TMEM135: variants seen among roughly 807,000 people sequenced by gnomAD.
TMEM135 encodes transmembrane protein 135.
Under a neutral mutation model 60.3 loss-of-function variants are expected in TMEM135, and 30 were observed. The ratio of observed to expected loss-of-function variants is 0.50; its 90% CI spans 0.37 to 0.68. TMEM135 has a LOEUF of 0.68. Among genes scored for constraint, TMEM135 ranks in the 30% least tolerant of loss-of-function variants. TMEM135 has a pLI of 0.00. For missense variants in TMEM135, 468 were observed against 548.8 expected (o/e 0.85, Z 1.47); for synonymous variants, 190 against 186.7 (o/e 1.02, Z -0.14).
chr11:87,271,614 A>G (rs994899176), intron 6 of TMEM135, among the ~76,000 whole-genome samples: 4 of 152,106 alleles, frequency 2.6e-5, no homozygotes, highest in African/African-American at 9.7e-5. Flanking sequence ...AATATCTTGG[A>G]TATATTGGGT....
intron 3 of TMEM135, among the ~76,000 whole-genome samples, chr11:87,078,462 A>G (rs890384942): frequency 6.6e-6 from 1 of 152,174 alleles, no homozygotes; most frequent in African/African-American, 2.4e-5. Flanking sequence ...TTCTTTAGAT[A>G]TTCTAGATAT....
chr11:87,257,056 A>G (rs1941540883), intron 6 of TMEM135, among the ~76,000 whole-genome samples: 1 of 152,200 alleles, frequency 6.6e-6, no homozygotes, highest in Non-Finnish European at 1.5e-5. Flanking sequence ...ACTAATCTTC[A>G]GTTCTTCACT....
At chr11:87,286,346 A>G (rs1316865145) in intron 6 of TMEM135, among the ~76,000 whole-genome samples, 1 of 151,904 alleles carries the variant, frequency 6.6e-6, no homozygotes, top group Non-Finnish European at 1.5e-5. Flanking sequence ...TGATTGGTGC[A>G]TCCATGAACC....
At chr11:87,214,528 A>T (rs990112963) in intron 5 of TMEM135, among the ~76,000 whole-genome samples, 1 of 152,092 alleles carries the variant, frequency 6.6e-6, no homozygotes, top group Admixed American at 6.5e-5. Flanking sequence ...TCCTTTAAGG[A>T]AAACACCTTA....
intron 7 of TMEM135, among the ~76,000 whole-genome samples, chr11:87,298,804 A>AAAAAAC (rs1942394480): frequency 7.3e-6 from 1 of 137,922 alleles, no homozygotes; most frequent in Non-Finnish European, 1.6e-5. Flanking sequence ...AAAAAAAAAA[A>AAAAAAC]CAGCCGGGCA....
intron 5 of TMEM135, among the ~76,000 whole-genome samples, chr11:87,212,949 A>G (rs966590169): frequency 1.3e-5 from 2 of 152,168 alleles, no homozygotes; most frequent in Non-Finnish European, 2.9e-5. Flanking sequence ...AATTACTAAT[A>G]GAAATGATTG....
rs112613071 is a variant in TMEM135, at chr11:87,102,684, A to ATG, written c.396+11297_396+11298dup. ...TGCAATGTGATGTTTTGATATATAT[A>ATG]TGTGTGTGTATATATATATGTATAT... On this transcript the variant is annotated intron_variant, in intron 4 of 14. Coordinates refer to ENST00000305494, the MANE Select transcript of TMEM135 (RefSeq NM_022918.4). 2.1e-5 allele frequency among the ~76,000 whole-genome samples: 3 copies of ATG among 140,540 alleles called. No homozygotes were observed. In the South Asian group the frequency reaches 6.6e-4, roughly 31 times the overall value. The allele number at this position is 140,540 out of a possible 152,430, so 92.2% of individuals were successfully genotyped here. A position where few individuals can be genotyped will look rare whatever the true frequency, so the allele number is the denominator to read the frequency against.
rs1463726678 is a variant in TMEM135 at position 87,238,446 on chromosome 11, A to G, written c.509+1762A>G. Among the ~76,000 whole-genome samples the G allele has an allele frequency of 2.0e-5, 3 of 152,124 alleles. No individual in the cohort carries two copies. In the East Asian group the frequency reaches 5.8e-4, roughly 29 times the overall value. ...GTAGGGAGGACTTGAACTGCAAAAG[A>G]TTTTGTATCAGTCATTGGGATGCAT... On this transcript the variant is annotated intron_variant, in intron 6 of 14. Coordinates refer to ENST00000305494, the MANE Select transcript of TMEM135 (RefSeq NM_022918.4).
At position 87,305,967 on chromosome 11, in the gene TMEM135, A is replaced by G. The variant is rs1942535990; in HGVS notation, c.730A>G (p.Lys244Glu). 3 of 1,603,552 alleles carry G rather than the reference A, an allele frequency of 1.9e-6. No homozygotes were observed. Among genetic ancestry groups the G allele is most frequent in the East Asian group, 2.3e-5 (1 of 44,440 alleles). ...ACATGGACCAAGGCATAGATGTTGC[A>G]AACATTATGAAGATAATTGCATCTC... ...CKHGPRHRCC[K>E]HYEDNCISYC... The change falls in exon 9 of 15, where the codon AAA becomes GAA. Residue 244 changes from lysine (K) to glutamate (E), a missense_variant. By Grantham distance (56) the Lys-to-Glu change is moderately conservative. Transcript: ENST00000305494.
intron 5 of TMEM135, among the ~76,000 whole-genome samples, chr11:87,158,804 G>A (rs973475341): frequency 3.9e-5 from 6 of 152,150 alleles, no homozygotes; most frequent in African/African-American, 1.4e-4. Flanking sequence ...TGTCTATACA[G>A]AAAGACTTAA....
At chr11:87,174,173 C>A (rs1330769151) in intron 5 of TMEM135, among the ~76,000 whole-genome samples, 1 of 152,114 alleles carries the variant, frequency 6.6e-6, no homozygotes, top group Non-Finnish European at 1.5e-5. Context: ...TCTAGAAATG[C>A]AGACTAAGGC....
At chr11:87,141,386 T>G (rs1418481415) in intron 4 of TMEM135, among the ~76,000 whole-genome samples, 1 of 152,118 alleles carries the variant, frequency 6.6e-6, no homozygotes, top group African/African-American at 2.4e-5. Context: ...TTCTAGTTGG[T>G]TTTTGGTAGG....
Position 87,069,039 on chromosome 11 carries a change from C to A in TMEM135, c.269+1218C>A, listed in dbSNP as rs377126258. On this transcript the variant is annotated intron_variant, in intron 2 of 14. Transcript: ENST00000305494. ...TCTATGACGGCCGGGCGCGGTGGCTCACGCCTGTAATCCTAGCACTTTGGA... is the reference window on the plus strand; with the variant it reads ...TCTATGACGGCCGGGCGCGGTGGCTAACGCCTGTAATCCTAGCACTTTGGA... Among the ~76,000 whole-genome samples the A allele has an allele frequency of 5.9e-5, 9 of 151,612 alleles. No homozygotes were observed. The East Asian group carries it at 1.4e-3, about 23-fold the overall frequency.
At chr11:87,194,837 A>G (rs1025284873) in intron 5 of TMEM135, among the ~76,000 whole-genome samples, 1 of 152,184 alleles carries the variant, frequency 6.6e-6, no homozygotes, top group African/African-American at 2.4e-5. Context: ...AAAGGAAATT[A>G]TAGGTATCTT....
intron 6 of TMEM135, among the ~76,000 whole-genome samples, chr11:87,286,845 CTGTTA>C (rs1565157298): frequency 6.6e-6 from 1 of 152,190 alleles, no homozygotes; most frequent in Non-Finnish European, 1.5e-5. Context: ...TTGTCTGTAA[CTGTTA>C]TATGTCATTC....
intron 5 of TMEM135, among the ~76,000 whole-genome samples, chr11:87,211,893 G>C (rs1001159292): frequency 6.6e-6 from 1 of 151,788 alleles, no homozygotes. Context: ...GCAGTGAGCC[G>C]AGACCACGCC....
At chr11:87,253,204 CT>C (rs1565504443) in intron 6 of TMEM135, among the ~76,000 whole-genome samples, 1 of 152,042 alleles carries the variant, frequency 6.6e-6, no homozygotes, top group Non-Finnish European at 1.5e-5. Flanking sequence ...ACCTGTCAGT[CT>C]TTGAGGTAGT....
chr11:87,228,467 C>A (rs7128079), intron 5 of TMEM135, among the ~76,000 whole-genome samples: 5,089 of 152,028 alleles, frequency 0.033, 255 homozygotes, highest in African/African-American at 0.1. Context: ...GTACAGACGG[C>A]GCAAGAGGAA....
At chr11:87,132,586 A>G (rs1192813825) in intron 4 of TMEM135, among the ~76,000 whole-genome samples, 1 of 152,212 alleles carries the variant, frequency 6.6e-6, no homozygotes, top group South Asian at 2.1e-4. Context: ...AATATGCTTA[A>G]TGAAGGGTAT....
Sources: gnomAD v4.1 joint callset for allele counts (sites outside exome capture counted in the v4.1 genomes callset) on GRCh38, gnomAD v4.1.1 for gene constraint, MANE v1.5 for transcripts, NCBI Gene and HGNC (gene_info 2026-07-23, HGNC 2026-07-21) for gene names.